The following AGXT variants were observed in gnomAD, a reference collection of about 807,000 sequenced individuals.
The protein encoded by AGXT is L-alanine: glyoxylate aminotransferase 1.
AGXT carries 41 observed loss-of-function variants against 46.9 expected under a neutral mutation model. The observed-to-expected ratio is 0.88, with a 90% confidence interval of 0.68 to 1.14. The LOEUF (loss-of-function observed/expected upper bound fraction) is 1.14. Among genes scored for constraint, AGXT ranks in the 50% most tolerant of loss-of-function variants. The probability of loss-of-function intolerance (pLI) is 0.00; values close to 1 mark genes in which losing one functional copy is unlikely to be tolerated. For synonymous variants in AGXT, 244 were observed against 227.9 expected (o/e 1.07, Z -0.64); for missense variants, 525 against 522.7 (o/e 1.00, Z -0.04).
Position 240,869,184 on chromosome 2 carries a change from C to G in AGXT, c.180C>G (p.Ile60Met), listed in dbSNP as rs983369223. The G allele has an allele frequency of 6.7e-7, 1 of 1,493,334 alleles. No homozygotes were observed. The highest frequency in any genetic ancestry group is 2.3e-5 in the East Asian group (1 of 42,758). The allele number at this position is 1,493,334 out of a possible 1,614,324, so 92.5% of individuals were successfully genotyped here. A position where few individuals can be genotyped will look rare whatever the true frequency, so the allele number is the denominator to read the frequency against. The change falls in exon 2 of 11, where the codon ATC becomes ATG. Residue 60 changes from isoleucine (I) to methionine (M), a missense_variant. Transcript: ENST00000307503. Reference sequence around the variant, plus strand: ...CCCGCATGCAGATCATGGACGAGATCAAGGAAGGCATCCAGTACGTGTTCC... The same window carrying G: ...CCCGCATGCAGATCATGGACGAGATGAAGGAAGGCATCCAGTACGTGTTCC... ...SKDMYQIMDE[I>M]KEGIQYVFQT...
Position 240,878,812 on chromosome 2 carries a change from G to A in AGXT, c.1170G>A (p.Lys390=), listed in dbSNP as rs899277137. The A allele has an allele frequency of 6.2e-5, 98 of 1,591,974 alleles. No individual in the cohort carries two copies. Among genetic ancestry groups the A allele is most frequent in the Non-Finnish European group, 8.0e-5 (94 of 1,172,322 alleles). Reference sequence around the variant, plus strand: ...CGGCCCTGCAGCACTGCCCCAAGAAGAAGCTGTGACCTGCCCACTGGCACA... The same window carrying A: ...CGGCCCTGCAGCACTGCCCCAAGAAAAAGCTGTGACCTGCCCACTGGCACA... ...LRAALQHCPK[K]KL The change falls in exon 11 of 11, where the codon AAG becomes AAA. Residue 390 remains lysine, a synonymous_variant. Transcript: ENST00000307503.
chr2:240,876,028 A>T, intron 8 of AGXT, 24 bp downstream of exon 8: 1 of 1,612,530 alleles, frequency 6.2e-7, no homozygotes, highest in Non-Finnish European at 8.5e-7. Context: ...ACTCCACAGG[A>T]GGAGACAGGG....
intron 5 of AGXT, chr2:240,873,301 C>T: frequency 5.7e-6 from 3 of 529,622 alleles, no homozygotes; most frequent in Non-Finnish European, 1.0e-5. Flanking sequence ...TGGTGGGGGA[C>T]ATTTGAGATG....
rs121908527 is a variant in AGXT, at chr2:240,875,126, G to C, written c.698G>C (p.Arg233Pro). ...CTCCCCAGAAAGAAGATGTACTCCCGCAAGACGAAGCCCTTCTCCTTCTAC... is the reference window on the plus strand; with the variant it reads ...CTCCCCAGAAAGAAGATGTACTCCCCCAAGACGAAGCCCTTCTCCTTCTAC... The part of the protein sequence containing the change: ...SDKAKKKMYS[R>P]KTKPFSFYLD... The change falls in exon 7 of 11, where the codon CGC becomes CCC. Residue 233 changes from arginine (R) to proline (P), a missense_variant. Arg to Pro is a moderately radical substitution (Grantham distance 103, BLOSUM62 -2). Transcript: ENST00000307503. The C allele has an allele frequency of 6.2e-7, 1 of 1,613,404 alleles. No homozygotes were observed. Among genetic ancestry groups the C allele is most frequent in the South Asian group, 1.1e-5 (1 of 91,062 alleles).
rs778832054 is a variant in AGXT at position 240,871,427 on chromosome 2, G to A, written c.502G>A (p.Gly168Ser). Residue 168 changes from glycine (G) to serine (S), a missense_variant, in exon 4 of 11, where the codon GGC (glycine) becomes AGC (serine). Coordinates refer to ENST00000307503, the MANE Select transcript of AGXT (RefSeq NM_000030.3). ...SSTGVLQPLD[G>S]FGELCHRYKC... is the part of the protein sequence containing the mutation. ...CACCGGCGTGCTGCAGCCCCTTGAT[G>A]GCTTCGGGGAACTCTGCCACAGGTG... 1.9e-6 allele frequency: 3 copies of A among 1,595,838 alleles called. No homozygotes were observed. The East Asian group carries it at 6.8e-5, about 36-fold the overall frequency.
chr2:240,871,793 C>A (rs538607074), intron 4 of AGXT, among the ~76,000 whole-genome samples: 4 of 152,342 alleles, frequency 2.6e-5, no homozygotes, highest in African/African-American at 4.8e-5. Flanking sequence ...CTGCCTGATG[C>A]CCTCCACTTC....
In AGXT at chr2:240,878,749, C is replaced by T. The variant is rs745588709; in HGVS notation, c.1107C>T (p.Thr369=). The T allele has an allele frequency of 6.9e-6, 11 of 1,583,664 alleles. No individual in the cohort carries two copies. In the East Asian group the frequency reaches 2.3e-4, roughly 33 times the overall value. ...LRIGLLGCNA[T]RENVDRVTEA... ...TCGGCCTGCTGGGCTGCAATGCCACCCGCGAGAATGTGGACCGCGTGACGG... is the reference window on the plus strand; with the variant it reads ...TCGGCCTGCTGGGCTGCAATGCCACTCGCGAGAATGTGGACCGCGTGACGG... Residue 369 remains threonine, a synonymous_variant, in exon 11 of 11, where the codon ACC becomes ACT. Transcript: ENST00000307503.
chr2:240,872,018 G>A (rs1358335382), intron 4 of AGXT, among the ~76,000 whole-genome samples: 1 of 152,262 alleles, frequency 6.6e-6, no homozygotes, highest in Non-Finnish European at 1.5e-5. Context: ...ATGGACCGTG[G>A]CCATGAATAA....
chr2:240,879,357 A>C lies in AGXT; in HGVS notation c.*536A>C. On this transcript the variant is annotated 3_prime_UTR_variant, in exon 11 of 11. Transcript: ENST00000307503. ...CTGGTTGGAGACCCCTGTCATGGAC[A>C]AGGGTACCTGCGTGCTGGAGAGCGC... The C allele has an allele frequency of 5.4e-6, 1 of 185,666 alleles. No individual in the cohort carries two copies. The highest frequency in any genetic ancestry group is 1.1e-5 in the Non-Finnish European group (1 of 89,132). 11.5% of individuals were successfully genotyped at this position (185,666 alleles called of 1,614,324 possible). A position where few individuals can be genotyped will look rare whatever the true frequency, so the allele number is the denominator to read the frequency against.
chr2:240,877,150 G>T (rs1315720016), intron 8 of AGXT: 1 of 416,848 alleles, frequency 2.4e-6, no homozygotes, highest in South Asian at 1.8e-5. Flanking sequence ...GGTCGGGGGA[G>T]CTGGCCCTGA....
chr2:240,868,891 C>T lies in AGXT; in HGVS notation c.26C>T (p.Thr9Ile), dbSNP rs115014558. ...ATGGCCTCTCACAAGCTGCTGGTGA[C>T]CCCCCCCAAGGCCCTGCTCAAGCCC... is the stretch of plus-strand genomic sequence containing the variant. MASHKLLVTPPKALLKPLS... is the reference protein window; with the variant it reads MASHKLLVIPPKALLKPLS... Residue 9 changes from threonine to isoleucine, a missense_variant, in exon 1 of 11, where the codon ACC (threonine) becomes ATC (isoleucine). Transcript: ENST00000307503. The T allele has an allele frequency of 3.1e-6, 5 of 1,611,766 alleles. No individual in the cohort carries two copies. Among genetic ancestry groups the T allele is most frequent in the Non-Finnish European group, 4.2e-6 (5 of 1,179,368 alleles).
chr2:240,870,171 G>A (rs530748869), intron 2 of AGXT, among the ~76,000 whole-genome samples: 1 of 152,328 alleles, frequency 6.6e-6, no homozygotes, highest in South Asian at 2.1e-4. Context: ...CAGGGAGGGG[G>A]TGAGGGCCTG....
In AGXT at chr2:240,868,857, G is replaced by A. The variant is rs1559567659; in HGVS notation, c.-9G>A. ...CCCAGGTTCCCGAGCGGCAGGTTGG[G>A]TGCGGACCATGGCCTCTCACAAGCT... On this transcript the variant is annotated 5_prime_UTR_variant, in exon 1 of 11. In the 5' UTR this introduces an upstream ATG that the reference lacks. Transcript: ENST00000307503. The A allele has an allele frequency of 1.2e-6, 2 of 1,607,070 alleles. No homozygotes were observed. The highest frequency in any genetic ancestry group is 1.7e-6 in the Non-Finnish European group (2 of 1,177,540).
chr2:240,877,341 C>T (rs2106431570), intron 8 of AGXT, 196 bp from the exon 9 acceptor site: 1 of 700,976 alleles, frequency 1.4e-6, no homozygotes, highest in East Asian at 2.7e-5. Context: ...CCTCCTCTGT[C>T]TCTCCCAGAC....
chr2:240,875,611 C>T (rs1272062066), intron 7 of AGXT, among the ~76,000 whole-genome samples: 1 of 152,256 alleles, frequency 6.6e-6, no homozygotes, highest in Non-Finnish European at 1.5e-5. Flanking sequence ...GAATGGTGCC[C>T]TAGCCCAGTG....
In AGXT at chr2:240,873,034, T is replaced by A. The variant is rs754148562; in HGVS notation, c.580T>A (p.Tyr194Asn). Residue 194 changes from tyrosine to asparagine, a missense_variant, in exon 5 of 11, where the codon TAC becomes AAC. Transcript: ENST00000307503. ...GGCATCCCTGGGCGGGACCCCCCTT[T>A]ACATGGACCGGCAAGGTAAGGGTGG... ...SVASLGGTPL[Y>N]MDRQGIDILY... 6.2e-7 allele frequency: 1 copy of A among 1,613,804 alleles called. No homozygotes were observed.
In AGXT at chr2:240,877,631, C is replaced by T. The variant is rs138582006; in HGVS notation, c.941C>T (p.Pro314Leu). 2.3e-4 allele frequency: 358 copies of T among 1,550,604 alleles called. No individual in the cohort carries two copies. Among genetic ancestry groups the T allele is most frequent in the Middle Eastern group, 1.2e-3 (7 of 6,012 alleles). Reference sequence around the variant, plus strand: ...GGGCTGCAGCTCTTCGTGAAGGACCCGGTAAGGAGGCCCCTGGCATTGGGC... The same window carrying T: ...GGGCTGCAGCTCTTCGTGAAGGACCTGGTAAGGAGGCCCCTGGCATTGGGC... ...ALGLQLFVKD[P>L]ALRLPTVTTV... Residue 314 changes from proline to leucine, a missense_variant and splice_region_variant, in exon 9 of 11, where the codon CCG becomes CTG. Pro to Leu is a moderately conservative substitution (Grantham distance 98, BLOSUM62 -3). Coordinates refer to ENST00000307503, the MANE Select transcript of AGXT (RefSeq NM_000030.3).
At chr2:240,873,382 C>A in intron 5 of AGXT, 2 of 344,246 alleles carry the variant, frequency 5.8e-6, no homozygotes, top group South Asian at 3.6e-5. Flanking sequence ...GTTGGGCACC[C>A]CTCTGCCCAA....
At chr2:240,869,746 C>T (rs1437770437) in intron 2 of AGXT, among the ~76,000 whole-genome samples, 2 of 152,304 alleles carry the variant, frequency 1.3e-5, no homozygotes, top group East Asian at 3.9e-4. Context: ...CTGAAGCCTC[C>T]CCTCAAATCT....
Sources: gnomAD v4.1 joint callset for allele counts (sites outside exome capture counted in the v4.1 genomes callset) on GRCh38, gnomAD v4.1.1 for gene constraint, MANE v1.5 for transcripts, NCBI Gene and HGNC (gene_info 2026-07-23, HGNC 2026-07-21) for gene names.